MACROD2: variants seen among roughly 807,000 people sequenced by gnomAD.
MACROD2 encodes the protein ADP-ribose glycohydrolase MACROD2.
In MACROD2, 36 loss-of-function variants were observed where a neutral mutation model predicts 70.4. That is an observed-to-expected ratio of 0.51 (90% CI 0.39 to 0.68). The LOEUF is 0.68. MACROD2 is among the 30% of genes least tolerant of loss of function. The pLI is 0.00. For synonymous variants in MACROD2, 172 were observed against 178.8 expected (o/e 0.96, Z 0.30); for missense variants, 496 against 538.4 (o/e 0.92, Z 0.78).
chr20:15,464,510 C>T (rs549313473), intron 7 of MACROD2, among the ~76,000 whole-genome samples: 2 of 152,320 alleles, frequency 1.3e-5, no homozygotes, highest in East Asian at 3.9e-4. Flanking sequence ...CAACCTGCTT[C>T]CTCACTGGTT....
At chr20:14,377,973 T>G (rs1238698004) in intron 3 of MACROD2, among the ~76,000 whole-genome samples, 1 of 152,204 alleles carries the variant, frequency 6.6e-6, no homozygotes, top group African/African-American at 2.4e-5. Context: ...TGATGTGCAT[T>G]CATAAGAGTG....
intron 4 of MACROD2, among the ~76,000 whole-genome samples, chr20:14,672,907 C>A (rs1235640842): frequency 6.6e-6 from 1 of 152,146 alleles, no homozygotes; most frequent in East Asian, 1.9e-4. Flanking sequence ...GAACTTCATT[C>A]TTATCTTTTT....
At position 15,144,457 on chromosome 20, in the gene MACROD2, T is replaced by C. The variant is rs1289725228; in HGVS notation, c.419-85483T>C. On this transcript the variant is annotated intron_variant, in intron 5 of 17. Coordinates refer to ENST00000684519, the MANE Select transcript of MACROD2 (RefSeq NM_001351661.2). ...CCCTTATCCAATTATAATACATTTG[T>C]CACATAGTGACTTTGAAACTTTGAA... 5.3e-5 allele frequency among the ~76,000 whole-genome samples: 8 copies of C among 152,230 alleles called. No individual in the cohort carries two copies. In the East Asian group the frequency reaches 1.5e-3, roughly 29 times the overall value.
At chr20:14,933,103 A>ATTC (rs2074310444) in intron 5 of MACROD2, among the ~76,000 whole-genome samples, 1 of 152,140 alleles carries the variant, frequency 6.6e-6, no homozygotes, top group Non-Finnish European at 1.5e-5. Context: ...TTCCATGAGA[A>ATTC]ATTGTCAGGG....
chr20:14,514,331 A>G (rs2085065898), intron 4 of MACROD2, among the ~76,000 whole-genome samples: 1 of 152,098 alleles, frequency 6.6e-6, no homozygotes, highest in Non-Finnish European at 1.5e-5. Context: ...AGTTTTCACC[A>G]TTGGAATGTC....
chr20:15,392,248 C>A (rs1254943750), intron 6 of MACROD2, among the ~76,000 whole-genome samples: 1 of 151,980 alleles, frequency 6.6e-6, no homozygotes, highest in African/African-American at 2.4e-5. Context: ...CTTATTCTTG[C>A]CAGTATGGTT....
intron 5 of MACROD2, among the ~76,000 whole-genome samples, chr20:14,973,872 G>A (rs1006804769): frequency 6.6e-6 from 1 of 152,126 alleles, no homozygotes; most frequent in Non-Finnish European, 1.5e-5. Context: ...AGAATAGAAA[G>A]TGTCAGTTAC....
intron 6 of MACROD2, among the ~76,000 whole-genome samples, chr20:15,408,893 A>G (rs1050818220): frequency 6.6e-6 from 1 of 152,192 alleles, no homozygotes; most frequent in Admixed American, 6.5e-5. Context: ...CTTCTGCTTC[A>G]AGGTAAGCTC....
chr20:14,558,045 C>T (rs1482315599), intron 4 of MACROD2, among the ~76,000 whole-genome samples: 1 of 151,572 alleles, frequency 6.6e-6, no homozygotes, highest in African/African-American at 2.4e-5. Flanking sequence ...AAAAAGGAAT[C>T]AAGTACTGAT....
At chr20:14,339,199 T>A (rs188898616) in intron 3 of MACROD2, among the ~76,000 whole-genome samples, 3 of 152,270 alleles carry the variant, frequency 2.0e-5, no homozygotes, top group Non-Finnish European at 2.9e-5. Flanking sequence ...GGTGAACCCT[T>A]GATAAGAAAT....
Position 15,254,037 on chromosome 20 carries a change from G to A in MACROD2, c.540+23976G>A, listed in dbSNP as rs974663247. ...TGATATGACTTATAGAACATTAACA[G>A]TGCTTTCTTTTCAATCATACTCCGA... On this transcript the variant is annotated intron_variant, in intron 6 of 17. Coordinates refer to ENST00000684519, the MANE Select transcript of MACROD2 (RefSeq NM_001351661.2). Among the ~76,000 whole-genome samples the A allele has an allele frequency of 2.0e-5, 3 of 152,100 alleles. 1 individual carries two copies. The highest frequency in any genetic ancestry group is 4.1e-4 in the South Asian group (2 of 4,834).
intron 8 of MACROD2, among the ~76,000 whole-genome samples, chr20:15,637,574 A>G (rs1424298027): frequency 1.3e-5 from 2 of 152,322 alleles, no homozygotes; most frequent in Non-Finnish European, 2.9e-5. Context: ...GCATTACAAA[A>G]TGTTCAAGTA....
intron 5 of MACROD2, among the ~76,000 whole-genome samples, chr20:14,830,339 GA>G (rs1299495276): frequency 6.6e-6 from 1 of 151,996 alleles, no homozygotes; most frequent in Non-Finnish European, 1.5e-5. Flanking sequence ...TAATAATAGT[GA>G]TTAAGCTCTG....
At chr20:15,835,987 C>T (rs1324025457) in intron 8 of MACROD2, among the ~76,000 whole-genome samples, 1 of 152,186 alleles carries the variant, frequency 6.6e-6, no homozygotes, top group Non-Finnish European at 1.5e-5. Context: ...TAAGAAGCCC[C>T]TGGGAACACA....
chr20:14,896,123 C>G (rs2073825911), intron 5 of MACROD2, among the ~76,000 whole-genome samples: 1 of 152,050 alleles, frequency 6.6e-6, no homozygotes, highest in Non-Finnish European at 1.5e-5. Flanking sequence ...GGTGAAACCC[C>G]ATTTCTACTA....
At chr20:14,227,115 A>G (rs2081745047) in intron 3 of MACROD2, among the ~76,000 whole-genome samples, 3 of 152,300 alleles carry the variant, frequency 2.0e-5, no homozygotes, top group Admixed American at 6.5e-5. Context: ...GCACCAATCT[A>G]TACTCTGTAT....
At chr20:15,139,954 T>TG (rs1286946140) in intron 5 of MACROD2, among the ~76,000 whole-genome samples, 13 of 152,224 alleles carry the variant, frequency 8.5e-5, no homozygotes, top group African/African-American at 2.9e-4. Flanking sequence ...AAGAGCCACT[T>TG]GAATACTGAT....
At chr20:14,052,007 A>T in intron 2 of MACROD2, 1 of 487,066 alleles carries the variant, frequency 2.1e-6, no homozygotes. Flanking sequence ...AGTTATGGAA[A>T]GAAAGTCTTA....
intron 4 of MACROD2, among the ~76,000 whole-genome samples, chr20:14,574,161 C>T (rs1980409170): frequency 6.6e-6 from 1 of 152,152 alleles, no homozygotes; most frequent in African/African-American, 2.4e-5. Context: ...GAGCAGGAGA[C>T]ATTCCTGAGG....
Sources: gnomAD v4.1 joint callset for allele counts (sites outside exome capture counted in the v4.1 genomes callset) on GRCh38, gnomAD v4.1.1 for gene constraint, MANE v1.5 for transcripts, NCBI Gene and HGNC (gene_info 2026-07-23, HGNC 2026-07-21) for gene names.